Variants in NAV3 observed in about 807,000 individuals in gnomAD.
The protein encoded by NAV3 is pore membrane and/or filament interacting like protein 1.
NAV3 carries 87 observed loss-of-function variants against 244.7 expected under a neutral mutation model. That is an observed-to-expected ratio of 0.36 (90% CI 0.30 to 0.42). The LOEUF is 0.42. Among genes scored for constraint, NAV3 ranks in the 20% least tolerant of loss-of-function variants. The probability of loss-of-function intolerance (pLI) is 1.00; values close to 1 mark genes in which losing one functional copy is unlikely to be tolerated. For missense variants in NAV3, 2,663 were observed against 2,893.3 expected, an observed-to-expected ratio of 0.92 and a Z score of 1.83; for synonymous variants, 1,126 against 1,042.2, an observed-to-expected ratio of 1.08 and a Z score of -1.55.
At chr12:77,878,356 G>A (rs1882136166) in intron 1 of NAV3, among the ~76,000 whole-genome samples, 1 of 152,054 alleles carries the variant, frequency 6.6e-6, no homozygotes, top group South Asian at 2.1e-4. Flanking sequence ...CTCCCAAGTA[G>A]CTAGGATTAC....
intron 12 of NAV3, among the ~76,000 whole-genome samples, chr12:78,095,898 G>T (rs1954224660): frequency 6.6e-6 from 1 of 152,162 alleles, no homozygotes; most frequent in Non-Finnish European, 1.5e-5. Flanking sequence ...TGTATGCTAA[G>T]CTATGCTTCA....
chr12:77,982,111 T>C (rs1307031977), intron 5 of NAV3, among the ~76,000 whole-genome samples: 1 of 152,216 alleles, frequency 6.6e-6, no homozygotes, highest in African/African-American at 2.4e-5. Context: ...CAACTACTTT[T>C]ATATCAAATA....
chr12:78,007,543 G>T, intron 8 of NAV3, 98 bp downstream of exon 8: 1 of 1,299,424 alleles, frequency 7.7e-7, no homozygotes, highest in Non-Finnish European at 1.0e-6. Context: ...GCTTTATGTC[G>T]TCATTTTGGA....
At chr12:77,877,739 C>T (rs1362686880) in intron 1 of NAV3, among the ~76,000 whole-genome samples, 1 of 152,062 alleles carries the variant, frequency 6.6e-6, no homozygotes, top group African/African-American at 2.4e-5. Flanking sequence ...GTGGGCTATA[C>T]ATAGAGACTG....
At chr12:78,144,227 G>A (rs1184093009) in intron 20 of NAV3, among the ~76,000 whole-genome samples, 1 of 152,030 alleles carries the variant, frequency 6.6e-6, no homozygotes, top group Non-Finnish European at 1.5e-5. Context: ...TTAACATGTT[G>A]CCTAACAAAT....
Position 77,707,397 on chromosome 12 carries a change from T to A in NAV3, c.72+135131T>A, listed in dbSNP as rs191282025. ...TACAAAGGACATGAACTCATCCTTT[T>A]TTCTGGCTGCAGAGTATTCATTCCA... On this transcript the variant is annotated intron_variant, in intron 2 of 8. Coordinates refer to the NAV3 transcript ENST00000550042. 1.9e-4 allele frequency among the ~76,000 whole-genome samples: 29 copies of A among 152,296 alleles called. No homozygotes were observed. In the East Asian group the frequency reaches 5.6e-3, roughly 29 times the overall value.
At chr12:77,618,622 A>G (rs751807404) in intron 2 of NAV3, among the ~76,000 whole-genome samples, 1 of 152,208 alleles carries the variant, frequency 6.6e-6, no homozygotes, top group Admixed American at 6.5e-5. Flanking sequence ...TTTAACACGT[A>G]TATATATAAT....
chr12:77,664,279 T>C (rs1242472708), intron 2 of NAV3, among the ~76,000 whole-genome samples: 1 of 152,190 alleles, frequency 6.6e-6, no homozygotes, highest in Non-Finnish European at 1.5e-5. Flanking sequence ...TCTTCCTACT[T>C]ATATATCAGA....
intron 2 of NAV3, among the ~76,000 whole-genome samples, chr12:77,586,162 A>G (rs1240712453): frequency 7.9e-6 from 1 of 126,048 alleles, no homozygotes; most frequent in African/African-American, 3.1e-5. Flanking sequence ...ACTCCATCTC[A>G]AAAAAAGAAA....
intron 1 of NAV3, among the ~76,000 whole-genome samples, chr12:77,878,396 T>G (rs531707644): frequency 6.6e-6 from 1 of 152,034 alleles, no homozygotes; most frequent in African/African-American, 2.4e-5. Context: ...TGGCTAATTT[T>G]GGGGGTATTT....
intron 34 of NAV3, among the ~76,000 whole-genome samples, chr12:78,193,765 T>G (rs1959082862): frequency 6.6e-6 from 1 of 152,052 alleles, no homozygotes; most frequent in South Asian, 2.1e-4. Flanking sequence ...ATACCTACCA[T>G]CAGATTCCCA....
At chr12:78,137,069 A>G in intron 18 of NAV3, 108 bp from the exon 19 acceptor site, 2 of 1,001,774 alleles carry the variant, frequency 2.0e-6, no homozygotes, top group African/African-American at 1.7e-5. Context: ...GACTCACTAT[A>G]CATTCATGTT....
In NAV3 at chr12:78,188,386, T is replaced by A. The variant is rs1212741257; in HGVS notation, c.5886+43T>A. 6 of 1,478,354 alleles carry A rather than the reference T, an allele frequency of 4.1e-6. No individual in the cohort carries two copies. In the Admixed American group the frequency reaches 7.4e-5, roughly 18 times the overall value. 91.6% of individuals were successfully genotyped at this position (1,478,354 alleles called of 1,614,324 possible). ...CCCTAATAGTACTTTTCAAATATGT[T>A]TCTCTTTAATTGTTTTCCATAACTT... On this transcript the variant is annotated intron_variant, in intron 32 of 39. Transcript: ENST00000397909.
chr12:77,873,909 T>A (rs1291669599), intron 1 of NAV3, among the ~76,000 whole-genome samples: 3 of 150,962 alleles, frequency 2.0e-5, no homozygotes, highest in Non-Finnish European at 4.4e-5. Flanking sequence ...CTGGTACCGG[T>A]CTGTGGCCTG....
At chr12:77,906,458 T>TA (rs1666746742) in intron 1 of NAV3, among the ~76,000 whole-genome samples, 1 of 152,134 alleles carries the variant, frequency 6.6e-6, no homozygotes, top group African/African-American at 2.4e-5. Context: ...GCAATCAGTA[T>TA]AAAAAACACA....
intron 2 of NAV3, among the ~76,000 whole-genome samples, chr12:77,574,015 T>C (rs1868958741): frequency 6.6e-6 from 1 of 152,152 alleles, no homozygotes; most frequent in African/African-American, 2.4e-5. Context: ...AGCTCATACA[T>C]AACATACTAA....
chr12:77,688,230 A>G (rs965169230), intron 2 of NAV3, among the ~76,000 whole-genome samples: 1 of 152,102 alleles, frequency 6.6e-6, no homozygotes, highest in Admixed American at 6.6e-5. Flanking sequence ...TATCTGAAGC[A>G]TAATTCTTAA....
chr12:77,882,523 A>G (rs575759186), intron 1 of NAV3, among the ~76,000 whole-genome samples: 2 of 152,156 alleles, frequency 1.3e-5, no homozygotes, highest in African/African-American at 4.8e-5. Context: ...CAGGCTTTAT[A>G]AGAATTTCTG....
intron 24 of NAV3, among the ~76,000 whole-genome samples, chr12:78,172,772 C>T (rs745816973): frequency 4.0e-5 from 6 of 151,374 alleles, no homozygotes; most frequent in Non-Finnish European, 7.4e-5. Context: ...AAGAAGAACA[C>T]GGTTGATGAG....
Sources: allele counts gnomAD v4.1 joint callset (sites outside exome capture counted in the v4.1 genomes callset), GRCh38; gene constraint gnomAD v4.1.1; transcripts MANE v1.5; gene names NCBI Gene and HGNC (gene_info 2026-07-23, HGNC 2026-07-21).